Variants in PTPRU observed in about 807,000 individuals in gnomAD.
PTPRU encodes the protein receptor-type tyrosine-protein phosphatase U.
A neutral mutation model predicts 166.3 loss-of-function variants in PTPRU; 69 were observed. That is an observed-to-expected ratio of 0.41 (90% CI 0.34 to 0.51). PTPRU has a LOEUF of 0.51. PTPRU is among the 20% of genes least tolerant of loss of function. The pLI is 0.09. For missense variants in PTPRU, 1,657 were observed against 2,013.7 expected, an observed-to-expected ratio of 0.82 and a Z score of 3.39; for synonymous variants, 793 against 814.0, an observed-to-expected ratio of 0.97 and a Z score of 0.44.
intron 2 of PTPRU, among the ~76,000 whole-genome samples, chr1:29,255,833 C>A (rs1209643403): frequency 6.6e-6 from 1 of 152,222 alleles, no homozygotes; most frequent in Non-Finnish European, 1.5e-5. Flanking sequence ...GTGTATAAAA[C>A]CTTCCTTCCT....
chr1:29,305,743 C>A, intron 18 of PTPRU: 1 of 530,052 alleles, frequency 1.9e-6, no homozygotes, highest in Non-Finnish European at 3.6e-6. Context: ...TCTCATCGTG[C>A]ACCATGAGGC....
chr1:29,299,379 A>G lies in PTPRU; in HGVS notation c.2477-4476A>G, dbSNP rs538428721. Among the ~76,000 whole-genome samples the G allele has an allele frequency of 2.4e-3, 364 of 152,300 alleles. 1 individual carries two copies. Among genetic ancestry groups the G allele is most frequent in the Non-Finnish European group, 4.1e-3 (280 of 68,010 alleles). On this transcript the variant is annotated intron_variant, in intron 15 of 29. Coordinates refer to ENST00000373779, the MANE Select transcript of PTPRU (RefSeq NM_133178.4). ...TTAGGGGTAGGGGATGGGGTGGGGT[A>G]GGAAGTGTGTCTCAAGTCCCACAGG...
intron 1 of PTPRU, among the ~76,000 whole-genome samples, chr1:29,245,153 G>A (rs1259105589): frequency 6.6e-6 from 1 of 152,190 alleles, no homozygotes; most frequent in African/African-American, 2.4e-5. Flanking sequence ...TTGTCTGAGA[G>A]CTTTACCAGC....
At chr1:29,286,874 C>G (rs1006844683) in intron 14 of PTPRU, among the ~76,000 whole-genome samples, 1 of 152,190 alleles carries the variant, frequency 6.6e-6, no homozygotes, top group African/African-American at 2.4e-5. Flanking sequence ...CCCCATCACT[C>G]TGGACCTCCT....
intron 1 of PTPRU, among the ~76,000 whole-genome samples, chr1:29,243,909 C>T (rs1292586633): frequency 6.6e-6 from 1 of 152,140 alleles, no homozygotes; most frequent in African/African-American, 2.4e-5. Flanking sequence ...CTGCCATTTC[C>T]TGCAGAATGA....
intron 1 of PTPRU, among the ~76,000 whole-genome samples, chr1:29,252,024 T>G (rs973814178): frequency 2.6e-5 from 4 of 152,182 alleles, no homozygotes; most frequent in African/African-American, 9.7e-5. Context: ...CAGGTACAGA[T>G]GGGGTTAATA....
rs1370532155 is a variant in PTPRU at position 29,260,016 on chromosome 1, C to T, written c.822C>T (p.Val274=). ...CVSQAPRGAG[V]SNFAELIVKE... ...CCCAGGCCCCGCGCGGCGCGGGCGT[C>T]TCTAACTTCGCGGAGCTCATCGTCA... The change falls in exon 6 of 30, where the codon GTC becomes GTT. Residue 274 remains valine, a synonymous_variant. Coordinates refer to ENST00000373779, the MANE Select transcript of PTPRU (RefSeq NM_133178.4). The surrounding 1 kb of genome is among the most constrained non-coding windows in gnomAD (Gnocchi z 8.3). 1 of 1,479,322 alleles carries T rather than the reference C, an allele frequency of 6.8e-7. No individual in the cohort carries two copies. 91.6% of individuals were successfully genotyped at this position (1,479,322 alleles called of 1,614,324 possible).
chr1:29,283,096 C>G, intron 12 of PTPRU, 147 bp downstream of exon 12: 1 of 1,152,322 alleles, frequency 8.7e-7, no homozygotes, highest in African/African-American at 1.5e-5. Flanking sequence ...CATAGCTCCT[C>G]CTCCTACAGC....
chr1:29,261,376 T>A (rs1265811074), intron 7 of PTPRU, among the ~76,000 whole-genome samples: 2 of 152,178 alleles, frequency 1.3e-5, no homozygotes, highest in Admixed American at 6.5e-5. Flanking sequence ...CTTGTCTGGG[T>A]GTTGAGCCTG....
chr1:29,310,583 G>A (rs575493138), intron 18 of PTPRU, among the ~76,000 whole-genome samples, 161 bp from the exon 19 acceptor site: 1 of 152,184 alleles, frequency 6.6e-6, no homozygotes, highest in East Asian at 1.9e-4. Flanking sequence ...TGGGGACCTG[G>A]GGGGATGCAA....
Position 29,325,667 on chromosome 1 carries a change from C to A in PTPRU, c.*6C>A. On this transcript the variant is annotated 3_prime_UTR_variant, in exon 30 of 30. Coordinates refer to ENST00000373779, the MANE Select transcript of PTPRU (RefSeq NM_133178.4). ...AGGGGCTGGAGTCAAGATAGCGGGG[C>A]CCTGGCCTGGGGCACCCACTGCACA... 6.2e-7 allele frequency: 1 copy of A among 1,600,154 alleles called. No homozygotes were observed. The highest frequency in any genetic ancestry group is 8.5e-7 in the Non-Finnish European group (1 of 1,172,192).
At chr1:29,302,742 G>A (rs1260063687) in intron 15 of PTPRU, among the ~76,000 whole-genome samples, 1 of 151,948 alleles carries the variant, frequency 6.6e-6, no homozygotes, top group Non-Finnish European at 1.5e-5. Flanking sequence ...GTAGAGACGG[G>A]GTTTCACCAT....
At chr1:29,269,949 G>C (rs941664296) in intron 7 of PTPRU, among the ~76,000 whole-genome samples, 7 of 152,000 alleles carry the variant, frequency 4.6e-5, no homozygotes, top group African/African-American at 1.4e-4. Flanking sequence ...GAAGTCCATT[G>C]AATGTCCCCA....
chr1:29,323,132 G>A, intron 26 of PTPRU: 1 of 514,614 alleles, frequency 1.9e-6, no homozygotes, highest in African/African-American at 1.9e-5. Flanking sequence ...GTTTGCAAAG[G>A]GTTCATCTTG....
chr1:29,241,791 C>T (rs1048295864), intron 1 of PTPRU, among the ~76,000 whole-genome samples: 5 of 150,288 alleles, frequency 3.3e-5, no homozygotes, highest in African/African-American at 7.4e-5. Context: ...GACTGGGTTT[C>T]GTCATGTTGG....
chr1:29,251,569 C>T (rs1324982615), intron 1 of PTPRU, among the ~76,000 whole-genome samples: 1 of 152,178 alleles, frequency 6.6e-6, no homozygotes, highest in Non-Finnish European at 1.5e-5. Context: ...GATCATAGGA[C>T]TGTTGTCAGT....
At chr1:29,261,162 C>T (rs1685049194) in intron 7 of PTPRU, among the ~76,000 whole-genome samples, 1 of 152,188 alleles carries the variant, frequency 6.6e-6, no homozygotes, top group Admixed American at 6.5e-5. Flanking sequence ...TGTAGGTGCT[C>T]TTGTCGTACC....
At chr1:29,273,634 C>G (rs1685670677) in intron 7 of PTPRU, among the ~76,000 whole-genome samples, 1 of 152,098 alleles carries the variant, frequency 6.6e-6, no homozygotes, top group South Asian at 2.1e-4. Context: ...AACTCCTGGG[C>G]TCCAGCGATT....
intron 15 of PTPRU, among the ~76,000 whole-genome samples, chr1:29,297,909 G>A (rs2151960550): frequency 6.6e-6 from 1 of 152,280 alleles, no homozygotes; most frequent in Middle Eastern, 3.4e-3. Context: ...GATGGGTATG[G>A]TTGACTGATG....
Sources: allele counts gnomAD v4.1 joint callset (sites outside exome capture counted in the v4.1 genomes callset), GRCh38; gene constraint gnomAD v4.1.1; non-coding constraint Gnocchi (gnomAD v3.1); transcripts MANE v1.5; gene names NCBI Gene and HGNC (gene_info 2026-07-23, HGNC 2026-07-21).